Variants in RPS6KC1 observed in about 807,000 individuals in gnomAD.
RPS6KC1 encodes the protein inactive ribosomal protein S6 kinase delta-1.
RPS6KC1 carries 54 observed loss-of-function variants against 103.8 expected under a neutral mutation model. The ratio of observed to expected loss-of-function variants is 0.52; its 90% CI spans 0.42 to 0.65. The LOEUF (loss-of-function observed/expected upper bound fraction) is 0.65, where lower values mean the gene tolerates loss of function less well. Among genes scored for constraint, RPS6KC1 ranks in the 30% least tolerant of loss-of-function variants. The probability of loss-of-function intolerance (pLI) is 0.00; values close to 1 mark genes in which losing one functional copy is unlikely to be tolerated. For synonymous variants in RPS6KC1, 439 were observed against 438.7 expected (o/e 1.00, Z -0.01); for missense variants, 1,151 against 1,253.8 (o/e 0.92, Z 1.24).
chr1:213,470,835 G>T, the RPS6KC1 span, among the ~76,000 whole-genome samples: 32 of 151,952 alleles, frequency 2.1e-4, no homozygotes, highest in Non-Finnish European at 3.8e-4. Context: ...ATCTTGCCCA[G>T]ATTGGTCTTC....
the RPS6KC1 span, among the ~76,000 whole-genome samples, chr1:213,367,753 G>T: frequency 5.6e-4 from 85 of 152,338 alleles, 1 homozygote; most frequent in Non-Finnish European, 7.3e-5. Context: ...ATTTTGACTA[G>T]TAGGGCTCTA....
the RPS6KC1 span, among the ~76,000 whole-genome samples, chr1:213,649,388 C>A: frequency 6.6e-6 from 1 of 152,034 alleles, no homozygotes; most frequent in East Asian, 1.9e-4. Context: ...CCTCTGGGCC[C>A]CTGACTCTCC....
chr1:213,300,456 A>G, the RPS6KC1 span, among the ~76,000 whole-genome samples: 1 of 152,172 alleles, frequency 6.6e-6, no homozygotes, highest in South Asian at 2.1e-4. Flanking sequence ...GTTTTTGGAA[A>G]ATGCAACCTG....
At chr1:213,670,223 T>C in the RPS6KC1 span, among the ~76,000 whole-genome samples, 4 of 152,196 alleles carry the variant, frequency 2.6e-5, no homozygotes, top group Non-Finnish European at 5.9e-5. Flanking sequence ...TCAACTCATC[T>C]GCCCTTAACA....
the RPS6KC1 span, among the ~76,000 whole-genome samples, chr1:213,481,820 A>T: frequency 6.6e-6 from 1 of 152,216 alleles, no homozygotes. Context: ...GTTTGTCCTC[A>T]GTCAAATTTC....
At chr1:213,628,182 G>C in the RPS6KC1 span, among the ~76,000 whole-genome samples, 1,680 of 152,164 alleles carry the variant, frequency 0.011, 19 homozygotes, top group Non-Finnish European at 0.016. Flanking sequence ...TTATCCATTT[G>C]TTCTAGATTT....
chr1:213,481,966 C>A, the RPS6KC1 span, among the ~76,000 whole-genome samples: 1 of 152,056 alleles, frequency 6.6e-6, no homozygotes, highest in Admixed American at 6.6e-5. Context: ...ATCGTGAGAT[C>A]TGGCTGTTTA....
chr1:213,202,128 G>A (rs1282605886), intron 8 of RPS6KC1, among the ~76,000 whole-genome samples: 5 of 151,860 alleles, frequency 3.3e-5, no homozygotes, highest in Admixed American at 3.3e-4. Flanking sequence ...ACAGATCAAG[G>A]GTTTAAACTC....
the RPS6KC1 span, among the ~76,000 whole-genome samples, chr1:213,786,122 A>G: frequency 6.6e-6 from 1 of 152,138 alleles, no homozygotes; most frequent in African/African-American, 2.4e-5. Context: ...AATAGAAAGG[A>G]AAGAGGGAGA....
intron 8 of RPS6KC1, among the ~76,000 whole-genome samples, chr1:213,196,778 G>T (rs1369031834): frequency 6.6e-6 from 1 of 152,180 alleles, no homozygotes; most frequent in Admixed American, 6.5e-5. Context: ...CTTTGTTGAA[G>T]ATCAGTTGGC....
the RPS6KC1 span, among the ~76,000 whole-genome samples, chr1:213,764,350 T>C: frequency 6.6e-6 from 1 of 152,164 alleles, no homozygotes; most frequent in Non-Finnish European, 1.5e-5. Flanking sequence ...ACTCCTCTGC[T>C]GTCCTTTCTT....
the RPS6KC1 span, among the ~76,000 whole-genome samples, chr1:213,604,328 A>T: frequency 6.6e-6 from 1 of 152,254 alleles, no homozygotes; most frequent in African/African-American, 2.4e-5. Context: ...GGCTTACAGA[A>T]CATGGGTTTT....
chr1:213,806,066 C>G, the RPS6KC1 span, among the ~76,000 whole-genome samples: 1 of 152,358 alleles, frequency 6.6e-6, no homozygotes, highest in East Asian at 1.9e-4. Flanking sequence ...GGCATGGCGG[C>G]TCATGCCTGT....
chr1:213,569,822 C>T, the RPS6KC1 span, among the ~76,000 whole-genome samples: 45 of 152,218 alleles, frequency 3.0e-4, no homozygotes, highest in Non-Finnish European at 5.7e-4. Context: ...TTGAGAAACT[C>T]GAGGTGAGTT....
the RPS6KC1 span, among the ~76,000 whole-genome samples, chr1:213,713,369 G>C: frequency 6.6e-6 from 1 of 151,976 alleles, no homozygotes; most frequent in South Asian, 2.1e-4. Context: ...TTGTGATCTC[G>C]CTTCACAGAG....
the RPS6KC1 span, among the ~76,000 whole-genome samples, chr1:213,674,006 C>A: frequency 6.6e-6 from 1 of 152,028 alleles, no homozygotes; most frequent in Non-Finnish European, 1.5e-5. Context: ...CTTCTGGCAG[C>A]CCCCAGTGTC....
At chr1:213,282,759 T>C in the RPS6KC1 span, among the ~76,000 whole-genome samples, 1 of 152,198 alleles carries the variant, frequency 6.6e-6, no homozygotes, top group Non-Finnish European at 1.5e-5. Flanking sequence ...AAACACTGAG[T>C]GCTCTGAAAT....
chr1:213,066,565 G>T (rs529931666), intron 1 of RPS6KC1, among the ~76,000 whole-genome samples: 1 of 152,282 alleles, frequency 6.6e-6, no homozygotes, highest in South Asian at 2.1e-4. Flanking sequence ...AAACACCAGG[G>T]GTTCCGTCTA....
the RPS6KC1 span, among the ~76,000 whole-genome samples, chr1:213,484,037 T>C: frequency 1.3e-5 from 2 of 152,154 alleles, no homozygotes; most frequent in African/African-American, 2.4e-5. Context: ...ATCCAAAATT[T>C]CAAACATATA....
Sources: gnomAD v4.1 joint callset for allele counts (sites outside exome capture counted in the v4.1 genomes callset) on GRCh38, gnomAD v4.1.1 for gene constraint, MANE v1.5 for transcripts, NCBI Gene and HGNC (gene_info 2026-07-23, HGNC 2026-07-21) for gene names.